Variants in BRINP3 observed in about 807,000 individuals in gnomAD.
BRINP3 encodes BMP/retinoic acid-inducible neural-specific protein 3.
A neutral mutation model predicts 71.0 loss-of-function variants in BRINP3; 19 were observed. That is an observed-to-expected ratio of 0.27 (90% CI 0.19 to 0.39). The LOEUF is 0.39. Among genes scored for constraint, BRINP3 ranks in the 10% least tolerant of loss-of-function variants. The probability of loss-of-function intolerance (pLI) is 1.00; values close to 1 mark genes in which losing one functional copy is unlikely to be tolerated. For missense variants in BRINP3, 959 were observed against 940.8 expected, an observed-to-expected ratio of 1.02 and a Z score of -0.25; for synonymous variants, 380 against 337.7, an observed-to-expected ratio of 1.13 and a Z score of -1.37.
chr1:190,437,470 C>A (rs1674539735), intron 2 of BRINP3, among the ~76,000 whole-genome samples: 1 of 151,780 alleles, frequency 6.6e-6, no homozygotes, highest in Non-Finnish European at 1.5e-5. Context: ...GGGTCCTTAT[C>A]TAATCCTAAT....
At chr1:190,233,428 G>C (rs1442072954) in intron 5 of BRINP3, among the ~76,000 whole-genome samples, 1 of 152,172 alleles carries the variant, frequency 6.6e-6, no homozygotes, top group East Asian at 1.9e-4. Context: ...TGATCTTCCT[G>C]CCTCAGCCTC....
chr1:190,122,519 A>C (rs1028065880), intron 7 of BRINP3, among the ~76,000 whole-genome samples: 3 of 145,728 alleles, frequency 2.1e-5, no homozygotes, highest in African/African-American at 7.5e-5. Context: ...AAGCCAAGGA[A>C]CACCAGGAAT....
At chr1:190,457,179 C>A (rs1386952665) in intron 1 of BRINP3, among the ~76,000 whole-genome samples, 2 of 152,108 alleles carry the variant, frequency 1.3e-5, no homozygotes, top group Non-Finnish European at 2.9e-5. Context: ...CGGTAGCTCA[C>A]GCCTATAATC....
At chr1:190,295,384 T>C (rs1213966711) in intron 2 of BRINP3, among the ~76,000 whole-genome samples, 2 of 152,114 alleles carry the variant, frequency 1.3e-5, no homozygotes, top group East Asian at 1.9e-4. Context: ...CTCTCCACAC[T>C]GCACTGCCTG....
At chr1:190,110,066 CCTGA>C (rs1325566622) in intron 7 of BRINP3, among the ~76,000 whole-genome samples, 1 of 152,058 alleles carries the variant, frequency 6.6e-6, no homozygotes, top group Non-Finnish European at 1.5e-5. Flanking sequence ...TCTGGAGAAC[CCTGA>C]CTAATACAAT....
chr1:190,428,409 T>C (rs1274848657), intron 2 of BRINP3, among the ~76,000 whole-genome samples: 2 of 151,984 alleles, frequency 1.3e-5, no homozygotes, highest in African/African-American at 2.4e-5. Flanking sequence ...TTTTTCTTTA[T>C]TATCAATACC....
chr1:190,327,356 A>AGG (rs1666672496), intron 2 of BRINP3, among the ~76,000 whole-genome samples: 3 of 144,552 alleles, frequency 2.1e-5, no homozygotes, highest in African/African-American at 7.6e-5. Context: ...AAAAAGGAAA[A>AGG]AAAAAAAAGA....
At chr1:190,230,818 G>A (rs565962384) in intron 5 of BRINP3, among the ~76,000 whole-genome samples, 7 of 151,330 alleles carry the variant, frequency 4.6e-5, no homozygotes, top group Admixed American at 2.0e-4. Flanking sequence ...TTTCCTCCAA[G>A]TCATTATTTC....
intron 2 of BRINP3, among the ~76,000 whole-genome samples, chr1:190,347,383 G>A (rs896116658): frequency 1.8e-4 from 28 of 152,014 alleles, no homozygotes; most frequent in South Asian, 1.2e-3. Context: ...CTCATGATCC[G>A]CCCACCTTGG....
intron 6 of BRINP3, among the ~76,000 whole-genome samples, chr1:190,197,099 A>G (rs1290815361): frequency 6.6e-6 from 1 of 151,980 alleles, no homozygotes; most frequent in Admixed American, 6.6e-5. Context: ...ATCATGGCGG[A>G]AAACAAAGGA....
chr1:190,432,043 A>C (rs1674132665), intron 2 of BRINP3, among the ~76,000 whole-genome samples: 1 of 152,208 alleles, frequency 6.6e-6, no homozygotes, highest in Non-Finnish European at 1.5e-5. Flanking sequence ...ACCGTTAACA[A>C]ACATGTTCAT....
At chr1:190,155,544 A>G (rs1417728463) in intron 7 of BRINP3, among the ~76,000 whole-genome samples, 1 of 152,128 alleles carries the variant, frequency 6.6e-6, no homozygotes, top group African/African-American at 2.4e-5. Flanking sequence ...GAATGGCAGC[A>G]CAACATAGTA....
At chr1:190,398,566 A>G (rs1170056492) in intron 2 of BRINP3, among the ~76,000 whole-genome samples, 1 of 151,998 alleles carries the variant, frequency 6.6e-6, no homozygotes, top group Non-Finnish European at 1.5e-5. Context: ...TATCCTTATG[A>G]TTGCTAGCAA....
chr1:190,314,141 A>C (rs1040460263), intron 2 of BRINP3, among the ~76,000 whole-genome samples: 2 of 152,098 alleles, frequency 1.3e-5, no homozygotes, highest in Non-Finnish European at 2.9e-5. Flanking sequence ...AATACTTCAT[A>C]GACCTTGATG....
intron 2 of BRINP3, among the ~76,000 whole-genome samples, chr1:190,358,985 G>A (rs942880148): frequency 5.3e-5 from 8 of 151,984 alleles, no homozygotes; most frequent in Admixed American, 5.3e-4. Flanking sequence ...CACAGGAAGG[G>A]GAACATCACA....
At chr1:190,255,977 T>G (rs1432840571) in intron 4 of BRINP3, among the ~76,000 whole-genome samples, 1 of 152,246 alleles carries the variant, frequency 6.6e-6, no homozygotes, top group Non-Finnish European at 1.5e-5. Flanking sequence ...GCCTTTGTTC[T>G]CATTGGTTTC....
chr1:190,198,808 C>T (rs1239602177), intron 6 of BRINP3, among the ~76,000 whole-genome samples: 1 of 152,078 alleles, frequency 6.6e-6, no homozygotes, highest in African/African-American at 2.4e-5. Context: ...CTTTCCTATA[C>T]CTTCCTGTCT....
chr1:190,382,000 T>C (rs1670577371), intron 2 of BRINP3, among the ~76,000 whole-genome samples: 1 of 152,182 alleles, frequency 6.6e-6, no homozygotes, highest in Admixed American at 6.6e-5. Flanking sequence ...TATGTGCATG[T>C]ACGAAACAGA....
intron 2 of BRINP3, among the ~76,000 whole-genome samples, chr1:190,444,239 CAAAAAAAAAAAAAAAAAAAA>C (rs764014934): frequency 1.8e-5 from 1 of 56,310 alleles, no homozygotes; most frequent in African/African-American, 6.8e-5. Context: ...AACTCCGTCT[CAAAAAAAAAAAAAAAAAAAA>C]AAAAAAAAAA....
Sources: gnomAD v4.1 joint callset for allele counts (sites outside exome capture counted in the v4.1 genomes callset) on GRCh38, gnomAD v4.1.1 for gene constraint, MANE v1.5 for transcripts, NCBI Gene and HGNC (gene_info 2026-07-23, HGNC 2026-07-21) for gene names.